The following LYPLAL1 variants were observed in gnomAD, a reference collection of about 807,000 sequenced individuals.
The protein encoded by LYPLAL1 is lysophospholipase like 1, also known as lysophospholipase-like protein 1.
In LYPLAL1, 23 loss-of-function variants were observed where a neutral mutation model predicts 19.7. The observed-to-expected ratio is 1.17, with a 90% CI of 0.84 to 1.65. The LOEUF (loss-of-function observed/expected upper bound fraction) is 1.65. Among genes scored for constraint, LYPLAL1 ranks in the 40% most tolerant of loss-of-function variants. The pLI, the probability that LYPLAL1 is intolerant of heterozygous loss-of-function variation, is 0.00. For synonymous variants in LYPLAL1, 119 were observed against 96.3 expected (o/e 1.24, Z -1.38); for missense variants, 355 against 279.4 (o/e 1.27, Z -1.93).
At position 219,210,916 on chromosome 1, in the gene LYPLAL1, A is replaced by T. The variant is rs561421753; in HGVS notation, c.477+269A>T. 7.1e-4 allele frequency among the ~76,000 whole-genome samples: 108 copies of T among 152,250 alleles called. 2 individuals are homozygous for T. The highest frequency in any genetic ancestry group is 2.5e-3 in the African/African-American group (105 of 41,562). ...ATCATGTGTGTGGTTGTGGGGGAGC[A>T]TATATGTAAATTTTATACATATTAA... On this transcript the variant is annotated intron_variant, in intron 4 of 4. Coordinates refer to ENST00000366928, the MANE Select transcript of LYPLAL1 (RefSeq NM_138794.5).
At chr1:219,407,113 C>T in the LYPLAL1 span, among the ~76,000 whole-genome samples, 3 of 152,180 alleles carry the variant, frequency 2.0e-5, no homozygotes, top group Non-Finnish European at 4.4e-5. Flanking sequence ...CTTTCATCAG[C>T]AAATCAAAAC....
At chr1:219,303,975 A>G in the LYPLAL1 span, among the ~76,000 whole-genome samples, 1 of 152,196 alleles carries the variant, frequency 6.6e-6, no homozygotes, top group African/African-American at 2.4e-5. Context: ...TTATTCCCTA[A>G]CTAGTTCTAA....
chr1:219,259,960 A>G, the LYPLAL1 span, among the ~76,000 whole-genome samples: 2 of 152,012 alleles, frequency 1.3e-5, no homozygotes, highest in African/African-American at 4.8e-5. Context: ...TTTGAAGAAT[A>G]TTAACAATTT....
chr1:219,385,081 T>C, the LYPLAL1 span, among the ~76,000 whole-genome samples: 9 of 152,292 alleles, frequency 5.9e-5, no homozygotes, highest in South Asian at 1.7e-3. Context: ...AGTAAACCTA[T>C]AAGTTGGCTG....
the LYPLAL1 span, among the ~76,000 whole-genome samples, chr1:219,289,416 T>C: frequency 6.6e-6 from 1 of 152,156 alleles, no homozygotes; most frequent in East Asian, 1.9e-4. Flanking sequence ...GGAGTTTTTA[T>C]TAGGTACTAT....
At chr1:219,324,731 G>C in the LYPLAL1 span, among the ~76,000 whole-genome samples, 5 of 152,166 alleles carry the variant, frequency 3.3e-5, no homozygotes, top group South Asian at 2.1e-4. Context: ...GTGTGTTGGT[G>C]AGTGTGTGTT....
intron 2 of LYPLAL1, among the ~76,000 whole-genome samples, chr1:219,191,290 A>G (rs1657161901): frequency 4.0e-5 from 6 of 151,606 alleles, no homozygotes; most frequent in Admixed American, 4.0e-4. Context: ...GTAGATAAAA[A>G]CACGTATGCA....
At chr1:219,382,040 C>G in the LYPLAL1 span, among the ~76,000 whole-genome samples, 1 of 152,194 alleles carries the variant, frequency 6.6e-6, no homozygotes, top group South Asian at 2.1e-4. Context: ...TCTTTCCTTT[C>G]TGACAAGAAT....
the LYPLAL1 span, among the ~76,000 whole-genome samples, chr1:219,228,175 G>A: frequency 1.3e-5 from 2 of 152,102 alleles, no homozygotes; most frequent in Admixed American, 1.3e-4. Context: ...AAAGGGTCCC[G>A]TAAGACCAAC....
intron 3 of LYPLAL1, among the ~76,000 whole-genome samples, chr1:219,201,607 T>C (rs1276148372): frequency 2.0e-5 from 3 of 152,006 alleles, no homozygotes; most frequent in Non-Finnish European, 4.4e-5. Context: ...AAAGTGGGGG[T>C]AAAAACATTT....
At chr1:219,382,156 T>C in the LYPLAL1 span, among the ~76,000 whole-genome samples, 1 of 152,238 alleles carries the variant, frequency 6.6e-6, no homozygotes, top group African/African-American at 2.4e-5. Flanking sequence ...ACTTCACAAT[T>C]TTGTATAAGG....
chr1:219,318,282 A>G, the LYPLAL1 span, among the ~76,000 whole-genome samples: 1 of 152,038 alleles, frequency 6.6e-6, no homozygotes, highest in East Asian at 1.9e-4. Flanking sequence ...TTTCTTACAA[A>G]TAACTCAAGT....
chr1:219,279,689 C>G, the LYPLAL1 span, among the ~76,000 whole-genome samples: 2 of 152,128 alleles, frequency 1.3e-5, no homozygotes, highest in Non-Finnish European at 2.9e-5. Flanking sequence ...CCAGTTTTGA[C>G]AAGTTGAATT....
the LYPLAL1 span, among the ~76,000 whole-genome samples, chr1:219,436,700 T>C: frequency 8.5e-5 from 13 of 152,238 alleles, no homozygotes; most frequent in East Asian, 2.5e-3. Context: ...ATAATAAACA[T>C]GTGCACTCAA....
the LYPLAL1 span, among the ~76,000 whole-genome samples, chr1:219,356,460 A>G: frequency 1.3e-5 from 2 of 152,318 alleles, no homozygotes; most frequent in African/African-American, 2.4e-5. Flanking sequence ...AGATCACACC[A>G]TTGCACTCCA....
the LYPLAL1 span, among the ~76,000 whole-genome samples, chr1:219,259,411 AT>A: frequency 1.1e-3 from 1 of 904 alleles, no homozygotes; most frequent in African/African-American, 1.7e-3. Context: ...ATATATACAT[AT>A]ATATATATAT....
the LYPLAL1 span, among the ~76,000 whole-genome samples, chr1:219,247,353 T>C: frequency 6.6e-6 from 1 of 152,228 alleles, no homozygotes; most frequent in Admixed American, 6.5e-5. Context: ...GAAACATCTG[T>C]CAAGTGAAAT....
the LYPLAL1 span, among the ~76,000 whole-genome samples, chr1:219,257,239 A>G: frequency 6.6e-6 from 1 of 151,880 alleles, no homozygotes; most frequent in South Asian, 2.1e-4. Context: ...ATAGCTGTAT[A>G]TATGTCTAGA....
the LYPLAL1 span, among the ~76,000 whole-genome samples, chr1:219,338,140 C>T: frequency 6.6e-6 from 1 of 151,978 alleles, no homozygotes; most frequent in Admixed American, 6.6e-5. Context: ...AGCATGCAAC[C>T]TAGACCGAAG....
Sources: allele counts gnomAD v4.1 joint callset (sites outside exome capture counted in the v4.1 genomes callset), GRCh38; gene constraint gnomAD v4.1.1; transcripts MANE v1.5; gene names NCBI Gene and HGNC (gene_info 2026-07-23, HGNC 2026-07-21).